Variants in GRIA2 observed in about 807,000 individuals in gnomAD.
The protein encoded by GRIA2 is glutamate receptor 2.
GRIA2 carries 14 observed loss-of-function variants against 97.3 expected under a neutral mutation model. The observed-to-expected ratio is 0.14, with a 90% CI of 0.10 to 0.23. The LOEUF is 0.23. Among genes scored for constraint, GRIA2 ranks in the 10% least tolerant of loss-of-function variants. GRIA2 has a pLI of 1.00. For synonymous variants in GRIA2, 412 were observed against 387.8 expected, an observed-to-expected ratio of 1.06 and a Z score of -0.73; for missense variants, 558 against 1,069.8, an observed-to-expected ratio of 0.52 and a Z score of 6.67.
chr4:157,223,933 C>G, intron 2 of GRIA2, among the ~76,000 whole-genome samples: 1 of 152,098 alleles, frequency 6.6e-6, no homozygotes, highest in East Asian at 1.9e-4. Context: ...GGTTTAGATA[C>G]TCATTCTCAA....
chr4:157,221,646 C>T (rs1370038477), intron 1 of GRIA2, 21 bp from the exon 2 acceptor site: 1 of 1,613,070 alleles, frequency 6.2e-7, no homozygotes, highest in South Asian at 1.1e-5. Context: ...TGTTCTCTTG[C>T]TTGCTGTTTG....
At chr4:157,343,704 T>A (rs534977239) in intron 12 of GRIA2, among the ~76,000 whole-genome samples, 1 of 152,110 alleles carries the variant, frequency 6.6e-6, no homozygotes, top group South Asian at 2.1e-4. Context: ...ATTATTCTGT[T>A]TGTAACAAAA....
At chr4:157,226,843 A>G (rs1729768702) in intron 2 of GRIA2, among the ~76,000 whole-genome samples, 1 of 152,174 alleles carries the variant, frequency 6.6e-6, no homozygotes, top group African/African-American at 2.4e-5. Flanking sequence ...ACAAACCATG[A>G]ACACATGTGC....
At position 157,253,062 on chromosome 4, in the gene GRIA2, G is replaced by A. The variant is rs954833524; in HGVS notation, c.229+31255G>A. Among the ~76,000 whole-genome samples, 3 of 150,848 alleles carry A rather than the reference G, an allele frequency of 2.0e-5. No homozygotes were observed. The East Asian group carries it at 5.8e-4, about 29-fold the overall frequency. On this transcript the variant is annotated intron_variant, in intron 2 of 15. Coordinates refer to ENST00000264426, the MANE Select transcript of GRIA2 (RefSeq NM_001083619.3). ...TATGTTATTAATATAAAATTGTGGT[G>A]TTTATTACTATTATTATTTTTTAAA... is the stretch of plus-strand genomic sequence containing the variant.
intron 2 of GRIA2, among the ~76,000 whole-genome samples, chr4:157,276,561 A>T (rs1411355962): frequency 2.0e-5 from 3 of 151,936 alleles, no homozygotes; most frequent in Non-Finnish European, 4.4e-5. Flanking sequence ...GAAAACAGAA[A>T]ATCAAGAGTG....
chr4:157,262,285 CTT>C (rs1255121306), intron 2 of GRIA2, among the ~76,000 whole-genome samples: 5 of 152,116 alleles, frequency 3.3e-5, no homozygotes, highest in Admixed American at 3.3e-4. Flanking sequence ...ACACACCTAA[CTT>C]TGCATTTTGG....
At chr4:157,321,298 G>T in intron 5 of GRIA2, 140 bp from the exon 6 acceptor site, 1 of 622,500 alleles carries the variant, frequency 1.6e-6, no homozygotes, top group East Asian at 2.8e-5. Context: ...ATAAATACAT[G>T]GGACATTTTC....
intron 12 of GRIA2, chr4:157,342,140 A>G (rs1037814862): frequency 3.1e-6 from 3 of 965,458 alleles, no homozygotes; most frequent in African/African-American, 3.5e-5. Flanking sequence ...TTCTATGAAA[A>G]TGTTTAAATA....
At chr4:157,286,455 A>G (rs1579332820) in intron 2 of GRIA2, among the ~76,000 whole-genome samples, 1 of 151,606 alleles carries the variant, frequency 6.6e-6, no homozygotes, top group African/African-American at 2.4e-5. Flanking sequence ...TTGGAGAGTT[A>G]AAAAAGTTAA....
At chr4:157,275,172 A>C (rs1732232762) in intron 2 of GRIA2, among the ~76,000 whole-genome samples, 1 of 152,106 alleles carries the variant, frequency 6.6e-6, no homozygotes, top group African/African-American at 2.4e-5. Context: ...TCTTCTTTTG[A>C]GAAGTGTCTG....
chr4:157,290,574 A>G (rs1016425801), intron 2 of GRIA2, among the ~76,000 whole-genome samples: 1 of 151,372 alleles, frequency 6.6e-6, no homozygotes, highest in African/African-American at 2.4e-5. Flanking sequence ...TTTCATTCAT[A>G]TATAGATCCA....
chr4:157,272,920 C>G (rs2126792979), intron 2 of GRIA2, among the ~76,000 whole-genome samples: 1 of 152,116 alleles, frequency 6.6e-6, no homozygotes, highest in Admixed American at 6.6e-5. Flanking sequence ...GGTTATAGAA[C>G]ACTTTCCTTT....
intron 2 of GRIA2, 65 bp downstream of exon 2, chr4:157,221,872 G>C: frequency 1.3e-6 from 2 of 1,482,870 alleles, no homozygotes; most frequent in African/African-American, 2.8e-5. Flanking sequence ...GTGAGTGTGT[G>C]TGTGCGTTTC....
At chr4:157,237,268 T>C (rs1730294067) in intron 2 of GRIA2, among the ~76,000 whole-genome samples, 1 of 151,588 alleles carries the variant, frequency 6.6e-6, no homozygotes, top group African/African-American at 2.4e-5. Flanking sequence ...AATTTTTACT[T>C]CATTGATTTG....
intron 2 of GRIA2, among the ~76,000 whole-genome samples, chr4:157,287,803 C>T (rs80261830): frequency 0.022 from 3,297 of 151,428 alleles, 61 homozygotes; most frequent in Middle Eastern, 0.071. Flanking sequence ...CTCTTTTCTC[C>T]GATGAGCCAT....
chr4:157,309,428 T>G (rs1225292314), intron 3 of GRIA2, among the ~76,000 whole-genome samples: 3 of 147,932 alleles, frequency 2.0e-5, no homozygotes, highest in Non-Finnish European at 4.5e-5. Flanking sequence ...CTCGGCTCAC[T>G]GCAATCACCA....
intron 2 of GRIA2, among the ~76,000 whole-genome samples, chr4:157,229,347 T>A (rs1344294488): frequency 6.6e-6 from 1 of 152,222 alleles, no homozygotes; most frequent in Admixed American, 6.5e-5. Context: ...TTTCACACAT[T>A]ATCATATTAC....
chr4:157,352,776 G>A (rs993095737), intron 12 of GRIA2, among the ~76,000 whole-genome samples: 13 of 149,612 alleles, frequency 8.7e-5, no homozygotes, highest in Admixed American at 6.7e-4. Context: ...TTATAGGCCC[G>A]GCATGGTGGT....
chr4:157,279,447 G>A (rs1418834281), intron 2 of GRIA2, among the ~76,000 whole-genome samples: 1 of 152,094 alleles, frequency 6.6e-6, no homozygotes, highest in Non-Finnish European at 1.5e-5. Context: ...AAGGAGGGAA[G>A]GATGAATAGG....
Sources: allele counts gnomAD v4.1 joint callset (sites outside exome capture counted in the v4.1 genomes callset), GRCh38; gene constraint gnomAD v4.1.1; transcripts MANE v1.5; gene names NCBI Gene and HGNC (gene_info 2026-07-23, HGNC 2026-07-21).